BCAS3: variants seen among roughly 807,000 people sequenced by gnomAD.
BCAS3 encodes the protein BCAS3 microtubule associated cell migration factor, also known as BCAS4/BCAS3 fusion.
BCAS3 carries 53 observed loss-of-function variants against 116.1 expected under a neutral mutation model. The observed-to-expected ratio is 0.46, with a 90% CI of 0.37 to 0.57. BCAS3 has a LOEUF of 0.57. Ranked by LOEUF, BCAS3 falls within the 20% of genes least tolerant of loss-of-function variation. BCAS3 has a pLI of 0.00. For synonymous variants in BCAS3, 391 were observed against 408.2 expected (o/e 0.96, Z 0.51); for missense variants, 917 against 1,165.4 (o/e 0.79, Z 3.10).
intron 22 of BCAS3, among the ~76,000 whole-genome samples, chr17:61,168,961 A>T (rs922777365): frequency 6.6e-6 from 1 of 152,210 alleles, no homozygotes; most frequent in Non-Finnish European, 1.5e-5. Context: ...CTCAAGGTAT[A>T]AGTGTGGATA....
chr17:61,103,200 A>G (rs1169071061), intron 22 of BCAS3, among the ~76,000 whole-genome samples: 2 of 152,188 alleles, frequency 1.3e-5, no homozygotes, highest in East Asian at 1.9e-4. Flanking sequence ...ATGCTGGTAT[A>G]ACAGTGTATC....
At position 61,212,856 on chromosome 17, in the gene BCAS3, T is replaced by TG. The variant is rs76319421; in HGVS notation, c.2425+128294dup. On this transcript the variant is annotated intron_variant, in intron 22 of 23. Transcript: ENST00000407086. ...TACCCCATTCTTAGACTATAGCATT[T>TG]GGTTAGCATCGTTCCTGTGGGCTCC... Among the ~76,000 whole-genome samples, 221 of 152,332 alleles carry TG rather than the reference T, an allele frequency of 1.5e-3. 8 individuals carry two copies. In the East Asian group the frequency reaches 0.036, roughly 25 times the overall value.
intron 22 of BCAS3, chr17:61,135,926 A>G (rs976232443): frequency 2.2e-4 from 34 of 153,426 alleles, no homozygotes; most frequent in Non-Finnish European, 2.0e-4. Flanking sequence ...ATTCTTTCCT[A>G]ATGTGGCATA....
Position 60,770,742 on chromosome 17 carries a change from G to T in BCAS3, c.403+23463G>T, listed in dbSNP as rs1337920220. ...CTCTCTTAGACGGTCTATTTGAAGT[G>T]TGAATATTTACTTGCTATTTTGGTT... On this transcript the variant is annotated intron_variant, in intron 6 of 23. Coordinates refer to ENST00000407086, the MANE Select transcript of BCAS3 (RefSeq NM_017679.5). Among the ~76,000 whole-genome samples, 10 of 149,492 alleles carry T rather than the reference G, an allele frequency of 6.7e-5. No homozygotes were observed. In the Admixed American group the frequency reaches 6.7e-4, roughly 10 times the overall value.
rs963735176 is a variant in BCAS3 at position 60,993,425 on chromosome 17, T to C, written c.1486+3190T>C. Among the ~76,000 whole-genome samples the C allele has an allele frequency of 6.6e-6, 1 of 152,240 alleles. No homozygotes were observed. Among genetic ancestry groups the C allele is most frequent in the Non-Finnish European group, 1.5e-5 (1 of 68,036 alleles). ...ACACTGTTCGACTATGCTGCTGTAC[T>C]TAAGATTTTCTTTTGAAAGCAAGGA... On this transcript the variant is annotated intron_variant, in intron 15 of 23. Coordinates refer to ENST00000407086, the MANE Select transcript of BCAS3 (RefSeq NM_017679.5). The surrounding 1 kb of genome is among the most constrained non-coding windows in gnomAD (Gnocchi z 4.2).
At chr17:61,334,664 C>CAAAAAAA (rs35400660) in intron 22 of BCAS3, among the ~76,000 whole-genome samples, 18 of 50,856 alleles carry the variant, frequency 3.5e-4, no homozygotes, top group Middle Eastern at 0.015. Context: ...AACTCCATCT[C>CAAAAAAA]AAAAAAAAAA....
At chr17:61,044,465 A>AAATATATATATAT in intron 19 of BCAS3, among the ~76,000 whole-genome samples, 1 of 120,128 alleles carries the variant, frequency 8.3e-6, no homozygotes, top group African/African-American at 5.0e-5. Flanking sequence ...AAAAAAAAAA[A>AAATATATATATAT]ATATATATAT....
In BCAS3 at chr17:61,118,121, A is replaced by G. The variant is rs1158431362; in HGVS notation, c.2425+33557A>G. 6.6e-6 allele frequency among the ~76,000 whole-genome samples: 1 copy of G among 152,120 alleles called. No homozygotes were observed. The highest frequency in any genetic ancestry group is 1.9e-4 in the East Asian group (1 of 5,182). On this transcript the variant is annotated intron_variant, in intron 22 of 23. Coordinates refer to ENST00000407086, the MANE Select transcript of BCAS3 (RefSeq NM_017679.5). The surrounding 1 kb of genome is among the most constrained non-coding windows in gnomAD (Gnocchi z 5.0). ...GGCATTTCCCTATGATATGAATTGT[A>G]CTTAAACCTTCGGTTTTAAGGGGCT...
intron 5 of BCAS3, among the ~76,000 whole-genome samples, chr17:60,740,232 C>T (rs1210890719): frequency 2.0e-5 from 3 of 151,962 alleles, no homozygotes; most frequent in South Asian, 2.1e-4. Flanking sequence ...TGGTGGCTCA[C>T]ACCTGTAATC....
intron 7 of BCAS3, among the ~76,000 whole-genome samples, chr17:60,863,935 C>A (rs2054376430): frequency 2.0e-5 from 3 of 152,172 alleles, no homozygotes; most frequent in Admixed American, 2.0e-4. Context: ...CCTTACGGGG[C>A]TCTTTCCTGT....
intron 22 of BCAS3, among the ~76,000 whole-genome samples, chr17:61,319,810 A>G (rs985733225): frequency 1.3e-5 from 2 of 151,396 alleles, no homozygotes; most frequent in African/African-American, 4.9e-5. Flanking sequence ...TAGGCTTTAA[A>G]TTTCCTTTGT....
At chr17:60,921,410 G>A (rs1158171911) in intron 12 of BCAS3, among the ~76,000 whole-genome samples, 1 of 151,940 alleles carries the variant, frequency 6.6e-6, no homozygotes, top group East Asian at 1.9e-4. Flanking sequence ...TCAGGAGATC[G>A]AGACCATCCC....
At chr17:61,283,921 T>C (rs2051477696) in intron 22 of BCAS3, among the ~76,000 whole-genome samples, 1 of 152,022 alleles carries the variant, frequency 6.6e-6, no homozygotes, top group South Asian at 2.1e-4. Flanking sequence ...CCACACCCAG[T>C]TGTAAATTGA....
chr17:60,904,909 A>G (rs2058107407), intron 11 of BCAS3, among the ~76,000 whole-genome samples: 1 of 152,214 alleles, frequency 6.6e-6, no homozygotes, highest in Non-Finnish European at 1.5e-5. Context: ...ATATTTAAGA[A>G]TAAACAATGG....
Position 61,065,441 on chromosome 17 carries a change from C to A in BCAS3, c.2030-9479C>A, listed in dbSNP as rs2070505561. On this transcript the variant is annotated intron_variant, in intron 19 of 23. Transcript: ENST00000407086. The surrounding 1 kb of genome is among the most constrained non-coding windows in gnomAD (Gnocchi z 4.8). ...ATATAAATGCTGTTTTTAATAAGCA[C>A]CAAAAATATATTGAGGTTTGTCCTT... Among the ~76,000 whole-genome samples the A allele has an allele frequency of 6.6e-6, 1 of 152,102 alleles. No homozygotes were observed. Among genetic ancestry groups the A allele is most frequent in the South Asian group, 2.1e-4 (1 of 4,826 alleles).
intron 6 of BCAS3, among the ~76,000 whole-genome samples, chr17:60,777,217 C>T (rs528685970): frequency 1.3e-5 from 2 of 152,228 alleles, no homozygotes; most frequent in East Asian, 3.9e-4. Flanking sequence ...CCATCACCAC[C>T]TTATTCTCTT....
At chr17:61,033,874 G>A (rs2066824405) in intron 16 of BCAS3, among the ~76,000 whole-genome samples, 1 of 152,178 alleles carries the variant, frequency 6.6e-6, no homozygotes, top group South Asian at 2.1e-4. Context: ...GGAAAACAGA[G>A]GAGATCTACT....
chr17:61,075,656 A>G (rs562055465), intron 20 of BCAS3, among the ~76,000 whole-genome samples: 1 of 152,204 alleles, frequency 6.6e-6, no homozygotes, highest in East Asian at 1.9e-4. Context: ...ACACATTTTC[A>G]TCAGGTTTAA....
chr17:61,128,230 G>T lies in BCAS3; in HGVS notation c.2425+43666G>T. On this transcript the variant is annotated intron_variant, in intron 22 of 23. Coordinates refer to ENST00000407086, the MANE Select transcript of BCAS3 (RefSeq NM_017679.5). The surrounding 1 kb of genome is among the most constrained non-coding windows in gnomAD (Gnocchi z 4.1). ...TCAAGGATGAGTACATGAAGATGAA[G>T]CCCATGCAATGAGGACAGCCTAGGC... 1 of 985,390 alleles carries T rather than the reference G, an allele frequency of 1.0e-6. No homozygotes were observed. Among genetic ancestry groups the T allele is most frequent in the South Asian group, 4.7e-5 (1 of 21,292 alleles). The allele number at this position is 985,390 out of a possible 1,614,324, so 61.0% of individuals were successfully genotyped here.
Sources: gnomAD v4.1 joint callset for allele counts (sites outside exome capture counted in the v4.1 genomes callset) on GRCh38, gnomAD v4.1.1 for gene constraint, Gnocchi (gnomAD v3.1) non-coding constraint, MANE v1.5 for transcripts, NCBI Gene and HGNC (gene_info 2026-07-23, HGNC 2026-07-21) for gene names.